Variants in RIC1 observed in about 807,000 individuals in gnomAD.
RIC1 encodes the protein guanine nucleotide exchange factor subunit RIC1.
RIC1 carries 88 observed loss-of-function variants against 169.0 expected under a neutral mutation model. The observed-to-expected ratio is 0.52, with a 90% confidence interval of 0.44 to 0.62. The LOEUF (loss-of-function observed/expected upper bound fraction) is 0.62, where lower values mean the gene tolerates loss of function less well. Among genes scored for constraint, RIC1 ranks in the 20% least tolerant of loss-of-function variants. RIC1 has a pLI of 0.00. For missense variants in RIC1, 1,877 were observed against 1,725.5 expected (o/e 1.09, Z -1.56); for synonymous variants, 790 against 601.5 (o/e 1.31, Z -4.59).
chr9:5,640,559 T>C (rs899633655), intron 1 of RIC1, among the ~76,000 whole-genome samples: 4 of 152,324 alleles, frequency 2.6e-5, no homozygotes, highest in East Asian at 1.9e-4. Context: ...ATAACACTTA[T>C]AAAATAAGAA....
intron 3 of RIC1, among the ~76,000 whole-genome samples, chr9:5,711,185 A>T (rs1264640700): frequency 6.6e-6 from 1 of 152,198 alleles, no homozygotes; most frequent in Non-Finnish European, 1.5e-5. Context: ...AAAAAGAGCT[A>T]GTCTGTGAAT....
chr9:5,683,398 T>C (rs1820984912), intron 2 of RIC1, among the ~76,000 whole-genome samples: 1 of 152,212 alleles, frequency 6.6e-6, no homozygotes, highest in Non-Finnish European at 1.5e-5. Context: ...TGTTGGAGTT[T>C]GCTGGAGGTC....
chr9:5,750,655 A>G (rs944344807), intron 12 of RIC1, among the ~76,000 whole-genome samples: 1 of 151,868 alleles, frequency 6.6e-6, no homozygotes, highest in Non-Finnish European at 1.5e-5. Context: ...CAGTTTCTTT[A>G]AGAGAAACTG....
chr9:5,744,504 T>C (rs925656578), intron 10 of RIC1, among the ~76,000 whole-genome samples: 2 of 152,170 alleles, frequency 1.3e-5, no homozygotes, highest in African/African-American at 4.8e-5. Flanking sequence ...ACTTTTTGGA[T>C]TTTGGAATAT....
At chr9:5,728,371 TG>T (rs1824135148) in intron 6 of RIC1, among the ~76,000 whole-genome samples, 1 of 152,244 alleles carries the variant, frequency 6.6e-6, no homozygotes, top group Admixed American at 6.5e-5. Context: ...CCTGGTGTGC[TG>T]TTTGCTAAGA....
In RIC1 at chr9:5,630,633, A is replaced by G. The variant is rs116631298; in HGVS notation, c.144+1180A>G. 1.0e-3 allele frequency among the ~76,000 whole-genome samples: 153 copies of G among 152,338 alleles called. 1 individual carries two copies. The highest frequency in any genetic ancestry group is 3.6e-3 in the African/African-American group (150 of 41,574). On this transcript the variant is annotated intron_variant, in intron 1 of 25. Coordinates refer to ENST00000414202, the MANE Select transcript of RIC1 (RefSeq NM_020829.4). ...GCTGTAAATCAGACTATTTGCCATC[A>G]AGTTTTGGCTGATCTAATTTTCAAA...
At chr9:5,752,478 T>C (rs1825779314) in intron 12 of RIC1, among the ~76,000 whole-genome samples, 1 of 151,788 alleles carries the variant, frequency 6.6e-6, no homozygotes, top group African/African-American at 2.4e-5. Flanking sequence ...TTCGCTCTTA[T>C]TCCCCAGGCT....
chr9:5,753,160 T>C, intron 12 of RIC1, 40 bp from the exon 13 acceptor site: 1 of 1,543,652 alleles, frequency 6.5e-7, no homozygotes, highest in South Asian at 1.1e-5. Flanking sequence ...TTTAAATATA[T>C]TTCATAAGTT....
intron 3 of RIC1, among the ~76,000 whole-genome samples, chr9:5,705,590 G>C (rs932300891): frequency 1.3e-5 from 2 of 152,042 alleles, no homozygotes; most frequent in African/African-American, 4.8e-5. Flanking sequence ...TGAATAAAGA[G>C]AGTCCCATTT....
intron 2 of RIC1, among the ~76,000 whole-genome samples, chr9:5,682,226 G>A (rs1277561477): frequency 6.6e-6 from 1 of 152,166 alleles, no homozygotes; most frequent in Non-Finnish European, 1.5e-5. Context: ...TATTTTGCTT[G>A]TTAGTTGATG....
intron 6 of RIC1, among the ~76,000 whole-genome samples, chr9:5,725,902 A>T (rs1164936163): frequency 6.6e-6 from 1 of 152,086 alleles, no homozygotes; most frequent in African/African-American, 2.4e-5. Flanking sequence ...TTCTAGTTTG[A>T]TTGCACTGTG....
intron 1 of RIC1, among the ~76,000 whole-genome samples, chr9:5,641,381 G>A (rs894876234): frequency 1.3e-5 from 2 of 151,988 alleles, no homozygotes; most frequent in African/African-American, 2.4e-5. Context: ...ATGAGCCACC[G>A]CGCCCGGCCG....
chr9:5,769,172 C>T lies in RIC1; in HGVS notation c.3340C>T (p.Leu1114Phe). ...VDNFVIALKR[L>F]HKDFLWPLPI... ...CAACTTTGTAATAGCCCTGAAGAGACTCCACAAAGATTTCCTGTGGCCACT... is the reference window on the plus strand; with the variant it reads ...CAACTTTGTAATAGCCCTGAAGAGATTCCACAAAGATTTCCTGTGGCCACT... Residue 1114 changes from leucine (L) to phenylalanine (F), a missense_variant, in exon 22 of 26, where the codon CTC (leucine) becomes TTC (phenylalanine). Leu to Phe is a conservative substitution (Grantham distance 22). Around this residue, in one of 3 missense-constraint regions of RIC1, gnomAD observed 681 missense variants for 582.0 expected, o/e 1.17. Transcript: ENST00000414202. 1 of 1,614,116 alleles carries T rather than the reference C, an allele frequency of 6.2e-7. No homozygotes were observed. Among genetic ancestry groups the T allele is most frequent in the Non-Finnish European group, 8.5e-7 (1 of 1,179,996 alleles).
intron 3 of RIC1, among the ~76,000 whole-genome samples, chr9:5,709,310 A>G (rs975812780): frequency 6.6e-6 from 1 of 152,134 alleles, no homozygotes; most frequent in Non-Finnish European, 1.5e-5. Flanking sequence ...TCCATTCCTT[A>G]GCATTCATTC....
chr9:5,718,157 A>C, intron 4 of RIC1, among the ~76,000 whole-genome samples: 1 of 151,026 alleles, frequency 6.6e-6, no homozygotes, highest in Admixed American at 6.6e-5. Flanking sequence ...AAAAAAAAAA[A>C]AAAAAAAAAG....
Position 5,763,255 on chromosome 9 carries a change from G to A in RIC1, c.2228G>A (p.Gly743Asp). Residue 743 changes from glycine (G) to aspartate (D), a missense_variant, in exon 19 of 26, where the codon GGT (glycine) becomes GAT (aspartate). By Grantham distance (94) the Gly-to-Asp change is moderately conservative. Around this residue, in one of 3 missense-constraint regions of RIC1, gnomAD observed 1,104 missense variants for 992.0 expected, o/e 1.11. Transcript: ENST00000414202. The surrounding 1 kb of genome is among the most constrained non-coding windows in gnomAD (Gnocchi z 5.2). ...LLEALWLSCG[G>D]AGMKVWLPLF... is the part of the protein sequence containing the mutation. ...GAGGCCCTCTGGCTGAGCTGTGGTG[G>A]TGCAGGGATGAAAGTTTGGCTCCCT... is the stretch of plus-strand genomic sequence containing the variant. 1 of 1,614,126 alleles carries A rather than the reference G, an allele frequency of 6.2e-7. No individual in the cohort carries two copies. The highest frequency in any genetic ancestry group is 8.5e-7 in the Non-Finnish European group (1 of 1,180,012).
In RIC1 at chr9:5,684,580, T is replaced by C. The variant is rs78753917; in HGVS notation, c.253-5379T>C. 3.6e-3 allele frequency among the ~76,000 whole-genome samples: 549 copies of C among 152,312 alleles called. 3 individuals are homozygous for C. The highest frequency in any genetic ancestry group is 0.012 in the African/African-American group (510 of 41,590). ...TATGTAAAAATGCAGTTGATTTTTC[T>C]ATATTTGTCTTGTGTCCAGCAGTCA... On this transcript the variant is annotated intron_variant, in intron 2 of 25. Coordinates refer to ENST00000414202, the MANE Select transcript of RIC1 (RefSeq NM_020829.4).
chr9:5,657,778 C>T (rs1819188928), intron 2 of RIC1, among the ~76,000 whole-genome samples: 1 of 152,048 alleles, frequency 6.6e-6, no homozygotes, highest in African/African-American at 2.4e-5. Flanking sequence ...CAAATATGCC[C>T]TGGTGCCTGT....
intron 1 of RIC1, among the ~76,000 whole-genome samples, chr9:5,637,389 C>T (rs535897629): frequency 2.6e-5 from 4 of 152,268 alleles, no homozygotes; most frequent in South Asian, 4.1e-4. Context: ...TTGATACTAG[C>T]GTGCAATTTG....
Sources: allele counts gnomAD v4.1 joint callset (sites outside exome capture counted in the v4.1 genomes callset), GRCh38; gene constraint gnomAD v4.1.1; regional missense constraint gnomAD v4.1.1; non-coding constraint Gnocchi (gnomAD v3.1); transcripts MANE v1.5; gene names NCBI Gene and HGNC (gene_info 2026-07-23, HGNC 2026-07-21).